Variants in RANBP10 observed in about 807,000 individuals in gnomAD.
The protein encoded by RANBP10 is RAN binding protein 10, also known as ran-binding protein 10.
RANBP10 carries 24 observed loss-of-function variants against 72.8 expected under a neutral mutation model. The observed-to-expected ratio is 0.33, with a 90% CI of 0.24 to 0.46. RANBP10 has a LOEUF of 0.46. RANBP10 is among the 20% of genes least tolerant of loss of function. The probability of loss-of-function intolerance (pLI) is 1.00; values close to 1 mark genes in which losing one functional copy is unlikely to be tolerated. For missense variants in RANBP10, 679 were observed against 817.5 expected, an observed-to-expected ratio of 0.83 and a Z score of 2.07; for synonymous variants, 310 against 322.3, an observed-to-expected ratio of 0.96 and a Z score of 0.41.
chr16:67,742,628 G>A (rs1264037867), intron 4 of RANBP10, among the ~76,000 whole-genome samples: 2 of 152,156 alleles, frequency 1.3e-5, no homozygotes, highest in African/African-American at 2.4e-5. Flanking sequence ...TGGTGGTCCC[G>A]GTGTACATGA....
At position 67,724,892 on chromosome 16, in the gene RANBP10, C is replaced by T. The variant is rs140629848; in HGVS notation, c.*1536G>A. 4.5e-3 allele frequency: 681 copies of T among 152,534 alleles called. 9 individuals are homozygous for T. Among genetic ancestry groups the T allele is most frequent in the Non-Finnish European group, 6.0e-3 (411 of 68,074 alleles). The allele number at this position is 152,534 out of a possible 1,614,324, so 9.4% of individuals were successfully genotyped here. A position where few individuals can be genotyped will look rare whatever the true frequency, so the allele number is the denominator to read the frequency against. ...ACTCTTTGCATGGGCGGCTTGTGCA[C>T]TCCCCTCACAATGTGAAGCACATAT... On this transcript the variant is annotated 3_prime_UTR_variant, in exon 14 of 14. Transcript: ENST00000317506.
chr16:67,738,407 G>C (rs9888951), intron 4 of RANBP10, among the ~76,000 whole-genome samples: 10,816 of 151,998 alleles, frequency 0.071, 560 homozygotes, highest in Middle Eastern at 0.19. Flanking sequence ...CAAAGTGCTA[G>C]GATTACAGGC....
intron 4 of RANBP10, among the ~76,000 whole-genome samples, chr16:67,742,368 A>C (rs1414166803): frequency 6.6e-6 from 1 of 152,228 alleles, no homozygotes; most frequent in Non-Finnish European, 1.5e-5. Flanking sequence ...CAACACTGAA[A>C]AGGGTATCAA....
intron 3 of RANBP10, among the ~76,000 whole-genome samples, chr16:67,764,377 T>G (rs1007388781): frequency 2.6e-5 from 4 of 152,136 alleles, no homozygotes; most frequent in Non-Finnish European, 5.9e-5. Flanking sequence ...GCCGCTTAAC[T>G]CACATCCTGC....
At chr16:67,754,411 T>C (rs1353392856) in intron 3 of RANBP10, among the ~76,000 whole-genome samples, 1 of 152,164 alleles carries the variant, frequency 6.6e-6, no homozygotes, top group Non-Finnish European at 1.5e-5. Context: ...GGTTTTCTGT[T>C]TTTCCTTTGT....
intron 2 of RANBP10, among the ~76,000 whole-genome samples, chr16:67,787,081 A>C (rs768493286): frequency 6.6e-6 from 1 of 152,072 alleles, no homozygotes; most frequent in Non-Finnish European, 1.5e-5. Context: ...TCTACTAAAA[A>C]TACAAAAATT....
At chr16:67,765,932 G>A (rs2054494838) in intron 3 of RANBP10, among the ~76,000 whole-genome samples, 1 of 152,128 alleles carries the variant, frequency 6.6e-6, no homozygotes, top group African/African-American at 2.4e-5. Context: ...AGGAGCACTC[G>A]GCCCAGGAGG....
At chr16:67,749,946 C>G (rs2054163181) in intron 3 of RANBP10, among the ~76,000 whole-genome samples, 1 of 152,208 alleles carries the variant, frequency 6.6e-6, no homozygotes, top group African/African-American at 2.4e-5. Flanking sequence ...ATGGGCCACA[C>G]CAGCCACAAT....
rs2055366476 is a variant in RANBP10 at position 67,805,547 on chromosome 16, G to A, written c.236-8C>T. 4 of 1,611,888 alleles carry A rather than the reference G, an allele frequency of 2.5e-6. No homozygotes were observed. Among genetic ancestry groups the A allele is most frequent in the Admixed American group, 1.7e-5 (1 of 59,724 alleles). On this transcript the variant is annotated splice_region_variant and splice_polypyrimidine_tract_variant and intron_variant, in intron 1 of 13. Coordinates refer to ENST00000317506, the MANE Select transcript of RANBP10 (RefSeq NM_020850.3). Reference sequence around the variant, plus strand: ...TGTGATTTTTGCCATGACCTAACAGGAGAGGGCAAGTAAGAAATTTCAGCA... The same window carrying A: ...TGTGATTTTTGCCATGACCTAACAGAAGAGGGCAAGTAAGAAATTTCAGCA...
chr16:67,726,657 C>G, intron 13 of RANBP10, 99 bp from the exon 14 acceptor site: 3 of 1,377,296 alleles, frequency 2.2e-6, no homozygotes, highest in Non-Finnish European at 2.9e-6. Context: ...TGGACAGATT[C>G]TCTTGGAACA....
intron 3 of RANBP10, chr16:67,759,806 T>C (rs2054360586): frequency 6.6e-6 from 1 of 152,180 alleles, no homozygotes; most frequent in African/African-American, 2.4e-5. Context: ...TACTAGAAAC[T>C]CACCTACGTC....
chr16:67,765,189 G>C (rs192250282), intron 3 of RANBP10, among the ~76,000 whole-genome samples: 197 of 83,218 alleles, frequency 2.4e-3, no homozygotes, highest in Non-Finnish European at 3.5e-3. Context: ...GACAGAGCAA[G>C]ACTCCATCTC....
intron 2 of RANBP10, among the ~76,000 whole-genome samples, chr16:67,781,945 CAGGGGGTCCATGCTGCCACCCGAGCA>C (rs2054821322): frequency 6.6e-6 from 1 of 152,088 alleles, no homozygotes; most frequent in African/African-American, 2.4e-5. Context: ...CTGCAACTGG[CAGGGGGTCCATGCTGCCACCCGAGCA>C]AGGGGGTCCA....
At chr16:67,760,580 G>C (rs777507377) in intron 3 of RANBP10, among the ~76,000 whole-genome samples, 3 of 152,166 alleles carry the variant, frequency 2.0e-5, no homozygotes, top group Non-Finnish European at 4.4e-5. Context: ...TCCCACAAAG[G>C]CCAGGGCCTG....
Position 67,729,409 on chromosome 16 carries a change from G to T in RANBP10, c.1223C>A (p.Pro408His). The change falls in exon 10 of 14, where the codon CCC (proline) becomes CAC (histidine). Residue 408 changes from proline to histidine, a missense_variant. Pro to His is a moderately conservative substitution (Grantham distance 77). Transcript: ENST00000317506. The surrounding 1 kb of genome is among the most constrained non-coding windows in gnomAD (Gnocchi z 7.1). ...SKQNHSKYPA[P>H]SSSSSSSSSS... Reference sequence around the variant, plus strand: ...GGAGGAGGACGAGGATGAGGAGCTGGGTGCAGGGTATTTACTGTGGTTCTG... The same window carrying T: ...GGAGGAGGACGAGGATGAGGAGCTGTGTGCAGGGTATTTACTGTGGTTCTG... 1 of 1,613,804 alleles carries T rather than the reference G, an allele frequency of 6.2e-7. No homozygotes were observed.
chr16:67,759,560 T>G (rs1020459679), intron 3 of RANBP10: 23 of 152,306 alleles, frequency 1.5e-4, no homozygotes, highest in Non-Finnish European at 3.4e-4. Flanking sequence ...TGGGCCCTGA[T>G]GGCTCAACTC....
At chr16:67,777,730 C>G (rs2054732836) in intron 2 of RANBP10, among the ~76,000 whole-genome samples, 1 of 152,112 alleles carries the variant, frequency 6.6e-6, no homozygotes, top group Non-Finnish European at 1.5e-5. Context: ...CCATCCCTAT[C>G]AAAATCCCAA....
intron 3 of RANBP10, among the ~76,000 whole-genome samples, chr16:67,750,611 T>C (rs1198597044): frequency 2.6e-5 from 4 of 152,176 alleles, no homozygotes; most frequent in Non-Finnish European, 4.4e-5. Flanking sequence ...CACAAGCACA[T>C]ATGTGTGTTT....
At chr16:67,759,092 G>A (rs1481491987) in intron 3 of RANBP10, among the ~76,000 whole-genome samples, 5 of 152,212 alleles carry the variant, frequency 3.3e-5, no homozygotes, top group Admixed American at 2.6e-4. Flanking sequence ...ATTAGCCACC[G>A]CTTGAATCAC....
Sources: allele counts gnomAD v4.1 joint callset (sites outside exome capture counted in the v4.1 genomes callset), GRCh38; gene constraint gnomAD v4.1.1; non-coding constraint Gnocchi (gnomAD v3.1); transcripts MANE v1.5; gene names NCBI Gene and HGNC (gene_info 2026-07-23, HGNC 2026-07-21).